The following SPRY3 variants were observed in gnomAD, a reference collection of about 807,000 sequenced individuals.
SPRY3 encodes protein sprouty homolog 3.
A neutral mutation model predicts 20.2 loss-of-function variants in SPRY3; 15 were observed. The ratio of observed to expected loss-of-function variants is 0.74; its 90% CI spans 0.50 to 1.14. SPRY3 has a LOEUF of 1.14. Among genes scored for constraint, SPRY3 ranks in the 50% most tolerant of loss-of-function variants. SPRY3 has a pLI of 0.00. For missense variants in SPRY3, 364 were observed against 363.9 expected (o/e 1.00, Z 0.00); for synonymous variants, 143 against 136.5 (o/e 1.05, Z -0.33).
intron 2 of SPRY3, among the ~76,000 whole-genome samples, chrX:155,683,626 G>T (rs2068079807): frequency 8.9e-6 from 1 of 111,889 alleles, no homozygotes; most frequent in Non-Finnish European, 1.9e-5. Context: ...TACTGTGGTG[G>T]TATGAACATG....
intron 1 of SPRY3, among the ~76,000 whole-genome samples, chrX:155,624,380 A>G (rs1290861915): frequency 1.8e-5 from 2 of 112,337 alleles, no homozygotes; most frequent in Non-Finnish European, 3.8e-5. Context: ...GTTTTAGATG[A>G]AAAACTAGAA....
intron 2 of SPRY3, among the ~76,000 whole-genome samples, chrX:155,725,780 C>T (rs937244371): frequency 2.0e-5 from 3 of 152,048 alleles, no homozygotes; most frequent in African/African-American, 7.2e-5. Context: ...CTCCTGGATT[C>T]ATTGATTTTT....
chrX:155,721,357 C>T (rs1267491493), intron 2 of SPRY3, among the ~76,000 whole-genome samples: 2 of 151,992 alleles, frequency 1.3e-5, no homozygotes, highest in African/African-American at 4.8e-5. Context: ...AGAGGAGGTA[C>T]AGGGGTAGGG....
intron 1 of SPRY3, among the ~76,000 whole-genome samples, chrX:155,653,577 T>G (rs782696191): frequency 8.9e-6 from 1 of 112,045 alleles, no homozygotes; most frequent in South Asian, 3.7e-4. Flanking sequence ...ATTTCTGGAT[T>G]CTCAATTCCA....
At chrX:155,692,914 T>C (rs2068107775) in intron 2 of SPRY3, among the ~76,000 whole-genome samples, 1 of 111,263 alleles carries the variant, frequency 9.0e-6, no homozygotes. Flanking sequence ...TTTCTCTCTC[T>C]TTTATTTTCT....
chrX:155,774,346 A>T (rs1199436241), exon 4 of SPRY3: 1 of 1,613,886 alleles, frequency 6.2e-7, no homozygotes, highest in African/African-American at 1.3e-5. Flanking sequence ...CGTCCCCTGC[A>T]CAGCAGCTCG....
chrX:155,696,688 A>AGCCACCACTT (rs2068119941), intron 2 of SPRY3, among the ~76,000 whole-genome samples: 1 of 111,307 alleles, frequency 9.0e-6, no homozygotes, highest in Non-Finnish European at 1.9e-5. Context: ...AGCCACCACT[A>AGCCACCACTT]GCCACCACTA....
rs782067891 is a variant in SPRY3 at position 155,646,955 on chromosome X, G to A, written c.-440-9912G>A. On this transcript the variant is annotated intron_variant, in intron 1 of 3. Transcript: ENST00000675360. ...TCATATATAGCCTTTATTATGTGAA[G>A]GTACATTTTTTTCTCCACCTAGTGT... 1.4e-3 allele frequency among the ~76,000 whole-genome samples: 155 copies of A among 111,624 alleles called. 1 individual carries two copies. The highest frequency in any genetic ancestry group is 4.8e-3 in the African/African-American group (148 of 30,803).
chrX:155,779,625 C>T (rs1356830742), downstream of SPRY3: 1 of 167,074 alleles, frequency 6.0e-6, no homozygotes, highest in African/African-American at 2.4e-5. Flanking sequence ...CACATATGTT[C>T]TTTTAGGTTC....
At chrX:155,628,501 A>C (rs1195773190) in intron 1 of SPRY3, among the ~76,000 whole-genome samples, 1 of 112,403 alleles carries the variant, frequency 8.9e-6, no homozygotes, top group Non-Finnish European at 1.9e-5. Context: ...AAAATAAAAA[A>C]GTGGTCAAAG....
intron 2 of SPRY3, among the ~76,000 whole-genome samples, chrX:155,735,179 A>G (rs1413588431): frequency 2.0e-5 from 3 of 151,742 alleles, no homozygotes; most frequent in Non-Finnish European, 4.4e-5. Flanking sequence ...TCTGTTACTA[A>G]TGACTAGTTT....
intron 2 of SPRY3, among the ~76,000 whole-genome samples, chrX:155,748,206 G>A (rs1408784709): frequency 6.6e-6 from 1 of 151,770 alleles, no homozygotes; most frequent in Non-Finnish European, 1.5e-5. Flanking sequence ...CATAAGATTG[G>A]TGGCCCTGCT....
chrX:155,709,820 A>G (rs1672572352), intron 2 of SPRY3, among the ~76,000 whole-genome samples: 1 of 151,728 alleles, frequency 6.6e-6, no homozygotes, highest in African/African-American at 2.4e-5. Flanking sequence ...TATTTAATCC[A>G]TTTGGATTTG....
intron 2 of SPRY3, among the ~76,000 whole-genome samples, chrX:155,760,813 G>T (rs2091301148): frequency 6.6e-6 from 1 of 151,916 alleles, no homozygotes; most frequent in South Asian, 2.1e-4. Context: ...GCTCCCTCAG[G>T]GGCCACTCAC....
chrX:155,661,001 G>A, intron 2 of SPRY3, among the ~76,000 whole-genome samples: 1 of 111,332 alleles, frequency 9.0e-6, no homozygotes, highest in Middle Eastern at 4.6e-3. Flanking sequence ...TATCTTTTAA[G>A]TGGAGCATTT....
chrX:155,754,953 G>A (rs2091278036), intron 2 of SPRY3, among the ~76,000 whole-genome samples: 1 of 143,974 alleles, frequency 6.9e-6, no homozygotes, highest in Admixed American at 7.0e-5. Flanking sequence ...TTGCCATGTA[G>A]CTGAACTTGT....
intron 2 of SPRY3, among the ~76,000 whole-genome samples, chrX:155,714,266 G>T (rs1223783631): frequency 6.6e-6 from 1 of 152,148 alleles, no homozygotes; most frequent in African/African-American, 2.4e-5. Flanking sequence ...GCTTGTAGAT[G>T]TTCTTCAGTG....
At chrX:155,722,316 G>T (rs2091064881) in intron 2 of SPRY3, among the ~76,000 whole-genome samples, 1 of 152,086 alleles carries the variant, frequency 6.6e-6, no homozygotes, top group Admixed American at 6.5e-5. Flanking sequence ...GAGGTCAGGG[G>T]TTCGAAACCA....
intron 2 of SPRY3, among the ~76,000 whole-genome samples, chrX:155,739,253 C>T (rs1303431458): frequency 2.0e-5 from 3 of 152,164 alleles, no homozygotes; most frequent in Non-Finnish European, 4.4e-5. Context: ...TGGGGAGGGG[C>T]TCCCTGTGGG....
Sources: gnomAD v4.1 joint callset for allele counts (sites outside exome capture counted in the v4.1 genomes callset) on GRCh38, gnomAD v4.1.1 for gene constraint, MANE v1.5 for transcripts, NCBI Gene and HGNC (gene_info 2026-07-23, HGNC 2026-07-21) for gene names.